SLCO6A1: variants seen among roughly 807,000 people sequenced by gnomAD.
SLCO6A1 encodes the protein solute carrier organic anion transporter family member 6A1.
A neutral mutation model predicts 72.7 loss-of-function variants in SLCO6A1; 65 were observed. The ratio of observed to expected loss-of-function variants is 0.89; its 90% CI spans 0.73 to 1.10. The LOEUF (loss-of-function observed/expected upper bound fraction) is 1.10. Ranked by LOEUF, SLCO6A1 falls within the 50% of genes least tolerant of loss-of-function variation. The pLI, the probability that SLCO6A1 is intolerant of heterozygous loss-of-function variation, is 0.00. For missense variants in SLCO6A1, 874 were observed against 872.6 expected, an observed-to-expected ratio of 1.00 and a Z score of -0.02; for synonymous variants, 314 against 298.2, an observed-to-expected ratio of 1.05 and a Z score of -0.55.
chr5:102,378,182 A>G (rs1029791452), intron 12 of SLCO6A1, among the ~76,000 whole-genome samples: 1 of 151,974 alleles, frequency 6.6e-6, no homozygotes, highest in African/African-American at 2.4e-5. Context: ...TTTAAGTTTT[A>G]GGGTACATAA....
intron 9 of SLCO6A1, among the ~76,000 whole-genome samples, chr5:102,409,223 A>C (rs1470476186): frequency 6.6e-6 from 1 of 152,160 alleles, no homozygotes; most frequent in Non-Finnish European, 1.5e-5. Flanking sequence ...GTACTTTTCT[A>C]GAGAAACCTA....
intron 1 of SLCO6A1, among the ~76,000 whole-genome samples, chr5:102,492,059 A>T (rs1209088109): frequency 6.6e-6 from 1 of 152,206 alleles, no homozygotes; most frequent in Non-Finnish European, 1.5e-5. Flanking sequence ...AGTGCTGTAC[A>T]CTTTTAAACA....
At chr5:102,378,451 C>T (rs1745925080) in intron 12 of SLCO6A1, among the ~76,000 whole-genome samples, 1 of 152,064 alleles carries the variant, frequency 6.6e-6, no homozygotes, top group South Asian at 2.1e-4. Context: ...ATATTTTTTA[C>T]AAACCAAACA....
At chr5:102,438,471 T>C (rs979324762) in intron 7 of SLCO6A1, 146 bp downstream of exon 7, 2 of 569,594 alleles carry the variant, frequency 3.5e-6, no homozygotes, top group Non-Finnish European at 2.8e-6. Flanking sequence ...GACACTATGA[T>C]GGCAAAGTGC....
chr5:102,402,116 C>A (rs1747430781), intron 9 of SLCO6A1, among the ~76,000 whole-genome samples: 1 of 151,880 alleles, frequency 6.6e-6, no homozygotes, highest in Non-Finnish European at 1.5e-5. Context: ...AGATCAATAG[C>A]AGAATAATTG....
chr5:102,458,233 C>A lies in SLCO6A1; in HGVS notation c.1131+149G>T, dbSNP rs1385360797. 1.9e-5 allele frequency: 11 copies of A among 568,714 alleles called. No homozygotes were observed. The Admixed American group carries it at 3.1e-4, about 16-fold the overall frequency. The allele number at this position is 568,714 out of a possible 1,614,324, so 35.2% of individuals were successfully genotyped here. A position where few individuals can be genotyped will look rare whatever the true frequency, so the allele number is the denominator to read the frequency against. On this transcript the variant is annotated intron_variant, in intron 6 of 13. Coordinates refer to ENST00000506729, the MANE Select transcript of SLCO6A1 (RefSeq NM_173488.5). The stretch of plus-strand genomic sequence containing the variant: ...AACCGGCACGTTGTGCACATGTACC[C>A]TAAAACTTAAAGTATAATAATAAAA...
intron 7 of SLCO6A1, among the ~76,000 whole-genome samples, chr5:102,430,661 G>A (rs537515931): frequency 1.3e-5 from 2 of 152,234 alleles, no homozygotes; most frequent in East Asian, 3.9e-4. Context: ...CTTGATCATG[G>A]TGGATTAGCT....
intron 5 of SLCO6A1, 98 bp downstream of exon 5, chr5:102,459,558 A>G: frequency 1.5e-6 from 2 of 1,325,340 alleles, no homozygotes; most frequent in South Asian, 1.8e-5. Context: ...AGGCATACTC[A>G]TTTTATTAAA....
chr5:102,444,523 C>T (rs1167039939), intron 6 of SLCO6A1, among the ~76,000 whole-genome samples: 1 of 152,026 alleles, frequency 6.6e-6, no homozygotes, highest in East Asian at 1.9e-4. Context: ...CATAATTAGC[C>T]ATAGAAAATA....
In SLCO6A1 at chr5:102,373,493, AC is replaced by A. The variant is rs765489946; in HGVS notation, c.2018del (p.Cys673PhefsTer23). On this transcript the variant is annotated frameshift_variant and splice_region_variant, in exon 13 of 14. Transcript: ENST00000506729. LOFTEE classifies it high-confidence loss of function. ...TGATAGTGCATAGTTTGCAAAGAAA[AC>A]CTAAATTTAAAAAATGCAATGATCA... is the stretch of plus-strand genomic sequence containing the variant. Reference protein sequence around the residue: ...TKMAFLLVGICFLCKLCTIIF... With the variant: ...TKMAFLLVGIXFLCKLCTIIF... 1.0e-5 allele frequency: 15 copies of A among 1,454,430 alleles called. No individual in the cohort carries two copies. In the Admixed American group the frequency reaches 2.8e-4, roughly 27 times the overall value. 90.1% of individuals were successfully genotyped at this position (1,454,430 alleles called of 1,614,324 possible). A position where few individuals can be genotyped will look rare whatever the true frequency, so the allele number is the denominator to read the frequency against.
At chr5:102,477,432 G>A (rs905675814) in intron 3 of SLCO6A1, among the ~76,000 whole-genome samples, 2 of 151,944 alleles carry the variant, frequency 1.3e-5, no homozygotes, top group Non-Finnish European at 2.9e-5. Context: ...CCGAAAGTAC[G>A]TATTTTTTCA....
Position 102,374,596 on chromosome 5 carries a change from T to C in SLCO6A1, c.2018-1102A>G, listed in dbSNP as rs182985749. 4.1e-3 allele frequency among the ~76,000 whole-genome samples: 631 copies of C among 152,294 alleles called. 9 individuals carry two copies. Among genetic ancestry groups the C allele is most frequent in the African/African-American group, 0.015 (607 of 41,570 alleles). On this transcript the variant is annotated intron_variant, in intron 12 of 13. Transcript: ENST00000506729. ...TCACAATATCAATTATCTGACATAA[T>C]GGTTTCAAGATAAAAAGGAAACATT...
intron 7 of SLCO6A1, among the ~76,000 whole-genome samples, chr5:102,428,420 A>G (rs181978889): frequency 1.3e-5 from 2 of 152,256 alleles, no homozygotes; most frequent in Admixed American, 1.3e-4. Context: ...AGTAACAAAA[A>G]GTCACCCTTA....
chr5:102,480,753 T>G (rs888731860), intron 1 of SLCO6A1, among the ~76,000 whole-genome samples: 1 of 152,152 alleles, frequency 6.6e-6, no homozygotes, highest in Admixed American at 6.5e-5. Flanking sequence ...ATAAAAAATT[T>G]AAAACCATTA....
intron 6 of SLCO6A1, among the ~76,000 whole-genome samples, chr5:102,453,397 G>A (rs1162778590): frequency 6.6e-6 from 1 of 151,420 alleles, no homozygotes; most frequent in African/African-American, 2.4e-5. Context: ...AAATTCTTTT[G>A]AACATTCTTA....
At chr5:102,437,088 G>C (rs748079414) in intron 7 of SLCO6A1, among the ~76,000 whole-genome samples, 1 of 152,116 alleles carries the variant, frequency 6.6e-6, no homozygotes, top group Non-Finnish European at 1.5e-5. Context: ...TTCATACACA[G>C]CCTTACTGAA....
chr5:102,459,606 G>GTTCTTAT, intron 5 of SLCO6A1, 50 bp downstream of exon 5: 1 of 1,516,456 alleles, frequency 6.6e-7, no homozygotes. Context: ...AAGAACCATG[G>GTTCTTAT]TGGAAGAAAC....
intron 12 of SLCO6A1, among the ~76,000 whole-genome samples, chr5:102,378,097 G>A (rs1199710016): frequency 2.0e-5 from 3 of 151,472 alleles, no homozygotes; most frequent in African/African-American, 7.3e-5. Context: ...ATGGAATTTT[G>A]TAGAAATTAG....
intron 12 of SLCO6A1, among the ~76,000 whole-genome samples, chr5:102,385,928 G>A (rs1419740400): frequency 6.7e-6 from 1 of 150,104 alleles, no homozygotes; most frequent in East Asian, 2.0e-4. Context: ...AGCCTGCCAA[G>A]CCTCTCAAGT....
Sources: gnomAD v4.1 joint callset for allele counts (sites outside exome capture counted in the v4.1 genomes callset) on GRCh38, gnomAD v4.1.1 for gene constraint, MANE v1.5 for transcripts, NCBI Gene and HGNC (gene_info 2026-07-23, HGNC 2026-07-21) for gene names.